The following REV3L variants were observed in gnomAD, a reference collection of about 807,000 sequenced individuals.
The protein encoded by REV3L is DNA polymerase zeta catalytic subunit.
A neutral mutation model predicts 299.4 loss-of-function variants in REV3L; 69 were observed. The observed-to-expected ratio is 0.23, with a 90% CI of 0.19 to 0.28. The LOEUF is 0.28. Among genes scored for constraint, REV3L ranks in the 10% least tolerant of loss-of-function variants. The pLI, the probability that REV3L is intolerant of heterozygous loss-of-function variation, is 1.00. For missense variants in REV3L, 3,128 were observed against 3,693.8 expected (o/e 0.85, Z 3.97); for synonymous variants, 1,238 against 1,271.4 (o/e 0.97, Z 0.56).
At chr6:111,341,430 C>G (rs1776474067) in intron 21 of REV3L, among the ~76,000 whole-genome samples, 1 of 152,172 alleles carries the variant, frequency 6.6e-6, no homozygotes, top group South Asian at 2.1e-4. Context: ...CCCTGAGATT[C>G]CTCAAAAGTG....
chr6:111,372,722 A>C lies in REV3L; in HGVS notation c.5633T>G (p.Leu1878Arg). Residue 1878 changes from leucine (L) to arginine (R), a missense_variant, in exon 13 of 32, where the codon CTG (leucine) becomes CGG (arginine). This residue lies in a region of REV3L where 2,409 missense variants were observed against 2,611.8 expected (regional missense o/e 0.92). Coordinates refer to ENST00000368802, the MANE Select transcript of REV3L (RefSeq NM_001372078.1). The part of the protein sequence containing the change: ...GSFTPRTANI[L>R]KPLMSPPSRE... ...ACTTGGGGGGGACATAAGTGGTTTC[A>C]GAATGTTAGCAGTTCGAGGGGTGAA... 1 of 1,610,666 alleles carries C rather than the reference A, an allele frequency of 6.2e-7. No individual in the cohort carries two copies. The highest frequency in any genetic ancestry group is 8.5e-7 in the Non-Finnish European group (1 of 1,178,596).
intron 21 of REV3L, among the ~76,000 whole-genome samples, chr6:111,341,560 T>C (rs1776484621): frequency 2.0e-5 from 3 of 152,210 alleles, no homozygotes; most frequent in Admixed American, 6.5e-5. Context: ...TAAGTACAGA[T>C]TCACTCATTT....
Position 111,375,016 on chromosome 6 carries a change from A to C in REV3L, c.3339T>G (p.Leu1113=). Reference sequence around the variant, plus strand: ...TTATGGGACTTGTGCTTCTCTCAGAAAGAAAACCTAGTTTAGACATAACAT... The same window carrying C: ...TTATGGGACTTGTGCTTCTCTCAGACAGAAAACCTAGTTTAGACATAACAT... ...YSDVMSKLGF[L]SERSTSPINS... The change falls in exon 13 of 32, where the codon CTT becomes CTG. Residue 1113 remains leucine, a synonymous_variant. Transcript: ENST00000368802. 6.2e-7 allele frequency: 1 copy of C among 1,613,624 alleles called. No individual in the cohort carries two copies. Among genetic ancestry groups the C allele is most frequent in the Non-Finnish European group, 8.5e-7 (1 of 1,179,834 alleles).
At chr6:111,408,924 A>G (rs1783944702) in intron 3 of REV3L, among the ~76,000 whole-genome samples, 1 of 152,134 alleles carries the variant, frequency 6.6e-6, no homozygotes, top group African/African-American at 2.4e-5. Flanking sequence ...ACCTCACGTG[A>G]TCTACCCACC....
intron 1 of REV3L, chr6:111,472,131 G>A (rs1792292562): frequency 7.9e-7 from 1 of 1,266,724 alleles, no homozygotes; most frequent in Non-Finnish European, 1.0e-6. Flanking sequence ...GGCTTGTCTT[G>A]GGTTTTATTC....
chr6:111,446,670 C>T lies in REV3L; in HGVS notation c.140-30198G>A, dbSNP rs561369295. ...GAGCCAAGACCACGCCACTGCACTC[C>T]AGCATGAGCGACGGAGTGAGACTCT... On this transcript the variant is annotated intron_variant, in intron 1 of 31. Coordinates refer to ENST00000368802, the MANE Select transcript of REV3L (RefSeq NM_001372078.1). Among the ~76,000 whole-genome samples, 211 of 151,876 alleles carry T rather than the reference C, an allele frequency of 1.4e-3. 3 individuals carry two copies. Among genetic ancestry groups the T allele is most frequent in the Admixed American group, 2.4e-3 (37 of 15,250 alleles).
chr6:111,326,368 A>G (rs1774815999), intron 25 of REV3L, among the ~76,000 whole-genome samples: 1 of 152,118 alleles, frequency 6.6e-6, no homozygotes, highest in Admixed American at 6.5e-5. Flanking sequence ...AATGACTAAC[A>G]TTACTAATTA....
chr6:111,357,003 CA>C lies in REV3L; in HGVS notation c.7184+10del. ...AATAAAACTGGAAAAATCAGATATACAAAACAATACCTCTTTATTATATTTG... is the reference window on the plus strand; with the variant it reads ...AATAAAACTGGAAAAATCAGATATACAAACAATACCTCTTTATTATATTTG... On this transcript the variant is annotated intron_variant, in intron 18 of 31. Transcript: ENST00000368802. 6.9e-7 allele frequency: 1 copy of C among 1,453,676 alleles called. No individual in the cohort carries two copies. Among genetic ancestry groups the C allele is most frequent in the Non-Finnish European group, 9.4e-7 (1 of 1,060,676 alleles). The allele number at this position is 1,453,676 out of a possible 1,614,324, so 90.0% of individuals were successfully genotyped here.
At chr6:111,341,943 C>A (rs1056126848) in intron 21 of REV3L, among the ~76,000 whole-genome samples, 1 of 151,112 alleles carries the variant, frequency 6.6e-6, no homozygotes, top group African/African-American at 2.4e-5. Context: ...GACCTCATCA[C>A]CCCCTTGTTA....
At chr6:111,309,711 G>T in intron 30 of REV3L, 142 bp downstream of exon 30, 1 of 885,362 alleles carries the variant, frequency 1.1e-6, no homozygotes, top group Non-Finnish European at 1.6e-6. Flanking sequence ...TTCCCCTCCC[G>T]CTTTCCGTAT....
At chr6:111,467,870 T>G (rs115024886) in intron 1 of REV3L, among the ~76,000 whole-genome samples, 1 of 152,250 alleles carries the variant, frequency 6.6e-6, no homozygotes, top group African/African-American at 2.4e-5. Context: ...AGTAGAGCAT[T>G]GCTAGAAGCA....
chr6:111,375,896 T>A lies in REV3L; in HGVS notation c.2459A>T (p.Lys820Ile), dbSNP rs769763480. 1 of 1,614,052 alleles carries A rather than the reference T, an allele frequency of 6.2e-7. No individual in the cohort carries two copies. The highest frequency in any genetic ancestry group is 8.5e-7 in the Non-Finnish European group (1 of 1,179,914). ...RPQKLSPVTYKLQPGNKPSRL... is the reference protein window; with the variant it reads ...RPQKLSPVTYILQPGNKPSRL... ...GGATGGTTTATTGCCAGGTTGTAAT[T>A]TATATGTGACAGGAGATAGTTTCTG... The change falls in exon 13 of 32, where the codon AAA (lysine) becomes ATA (isoleucine). Residue 820 changes from lysine (K) to isoleucine (I), a missense_variant. Around this residue, in one of 9 missense-constraint regions of REV3L, gnomAD observed 2,409 missense variants for 2,611.8 expected, o/e 0.92. Coordinates refer to ENST00000368802, the MANE Select transcript of REV3L (RefSeq NM_001372078.1).
In REV3L at chr6:111,326,040, G is replaced by C. The variant is rs573858988; in HGVS notation, c.8242-3362C>G. ...TGTGATATTTGTCTTTCTCTGTCTGGCTTATTTCACTTAGCATAATGTCCT... is the reference window on the plus strand; with the variant it reads ...TGTGATATTTGTCTTTCTCTGTCTGCCTTATTTCACTTAGCATAATGTCCT... On this transcript the variant is annotated intron_variant, in intron 25 of 31. Coordinates refer to ENST00000368802, the MANE Select transcript of REV3L (RefSeq NM_001372078.1). Among the ~76,000 whole-genome samples the C allele has an allele frequency of 6.6e-5, 10 of 151,940 alleles. No homozygotes were observed. In the South Asian group the frequency reaches 1.7e-3, roughly 25 times the overall value.
chr6:111,308,959 T>C (rs1394935679), intron 30 of REV3L, among the ~76,000 whole-genome samples: 1 of 152,236 alleles, frequency 6.6e-6, no homozygotes, highest in Non-Finnish European at 1.5e-5. Context: ...CTTGTTCCCC[T>C]TGCAGGGTGT....
chr6:111,446,289 A>G (rs1788821220), intron 1 of REV3L, among the ~76,000 whole-genome samples: 1 of 152,234 alleles, frequency 6.6e-6, no homozygotes, highest in African/African-American at 2.4e-5. Context: ...TAGAGTAACA[A>G]TATAATTTCT....
intron 1 of REV3L, among the ~76,000 whole-genome samples, chr6:111,434,989 G>A (rs1297260656): frequency 6.6e-6 from 1 of 152,142 alleles, no homozygotes; most frequent in Non-Finnish European, 1.5e-5. Context: ...AGGACTGCCT[G>A]AGCCCAGGAG....
intron 1 of REV3L, among the ~76,000 whole-genome samples, chr6:111,439,241 A>G (rs1028771704): frequency 1.3e-5 from 2 of 152,218 alleles, no homozygotes; most frequent in Non-Finnish European, 2.9e-5. Context: ...AGCAAATTTG[A>G]GCGATTTTCT....
chr6:111,336,592 T>C (rs1198487358), intron 21 of REV3L, among the ~76,000 whole-genome samples: 1 of 152,104 alleles, frequency 6.6e-6, no homozygotes, highest in Non-Finnish European at 1.5e-5. Flanking sequence ...AATAGAGTAG[T>C]TGCTTGGGAA....
chr6:111,400,931 CTTTTAT>C (rs775470481), intron 4 of REV3L, among the ~76,000 whole-genome samples: 69 of 152,070 alleles, frequency 4.5e-4, no homozygotes, highest in Non-Finnish European at 5.9e-5. Flanking sequence ...AAAATATGTT[CTTTTAT>C]TTTTATTTTC....
Sources: gnomAD v4.1 joint callset for allele counts (sites outside exome capture counted in the v4.1 genomes callset) on GRCh38, gnomAD v4.1.1 for gene constraint, gnomAD v4.1.1 regional missense constraint, MANE v1.5 for transcripts, NCBI Gene and HGNC (gene_info 2026-07-23, HGNC 2026-07-21) for gene names.